IGF2R: variants seen among roughly 807,000 people sequenced by gnomAD.
The protein encoded by IGF2R is insulin like growth factor 2 receptor, also known as cation-independent mannose-6-phosphate receptor.
A neutral mutation model predicts 270.6 loss-of-function variants in IGF2R; 91 were observed. The ratio of observed to expected loss-of-function variants is 0.34; its 90% CI spans 0.28 to 0.40. The LOEUF is 0.40. IGF2R is among the 10% of genes least tolerant of loss of function. The pLI is 1.00. For missense variants in IGF2R, 2,805 were observed against 3,188.3 expected (o/e 0.88, Z 2.90); for synonymous variants, 1,316 against 1,258.9 (o/e 1.05, Z -0.96).
chr6:160,024,610 T>A lies in IGF2R; in HGVS notation c.552T>A (p.His184Gln). 6.2e-7 allele frequency: 1 copy of A among 1,614,090 alleles called. No individual in the cohort carries two copies. The highest frequency in any genetic ancestry group is 8.5e-7 in the Non-Finnish European group (1 of 1,179,948). ...CYVFDEELRKHDLNPLIKLSG... is the reference protein window; with the variant it reads ...CYVFDEELRKQDLNPLIKLSG... Reference sequence around the variant, plus strand: ...TGTTTGATGAAGAGTTGAGGAAGCATGATCTCAATCCTCTGATCAAGCTTA... The same window carrying A: ...TGTTTGATGAAGAGTTGAGGAAGCAAGATCTCAATCCTCTGATCAAGCTTA... Residue 184 changes from histidine (H) to glutamine (Q), a missense_variant, in exon 5 of 48, where the codon CAT becomes CAA. Transcript: ENST00000356956.
At position 159,994,227 on chromosome 6, in the gene IGF2R, C is replaced by T. The variant is rs963983266; in HGVS notation, c.289+2904C>T. Among the ~76,000 whole-genome samples, 6 of 151,830 alleles carry T rather than the reference C, an allele frequency of 4.0e-5. No individual in the cohort carries two copies. In the East Asian group the frequency reaches 1.2e-3, roughly 29 times the overall value. ...AATGTATCCATTTCCTCTAGGTTTTCTAGTTTTTGAGTGTAGAGATGTTTA... is the reference window on the plus strand; with the variant it reads ...AATGTATCCATTTCCTCTAGGTTTTTTAGTTTTTGAGTGTAGAGATGTTTA... On this transcript the variant is annotated intron_variant, in intron 2 of 47. Transcript: ENST00000356956.
rs59369382 is a variant in IGF2R, at chr6:159,993,985, A to ATTTTTTTTT, written c.289+2679_289+2687dup. Among the ~76,000 whole-genome samples, 16 of 61,042 alleles carry ATTTTTTTTT rather than the reference A, an allele frequency of 2.6e-4. 1 individual carries two copies. Among genetic ancestry groups the ATTTTTTTTT allele is most frequent in the South Asian group, 5.4e-4 (1 of 1,844 alleles). 40.0% of individuals were successfully genotyped at this position (61,042 alleles called of 152,430 possible). ...GTTAGGGAGGATTCCCTCCAACTTG[A>ATTTTTTTTT]TTTTTTTTTTTTTTTTTTTTTTTTT... On this transcript the variant is annotated intron_variant, in intron 2 of 47. Transcript: ENST00000356956.
rs750837008 is a variant in IGF2R at position 160,047,818 on chromosome 6, C to T, written c.2256C>T (p.Phe752=). 3 of 1,613,728 alleles carry T rather than the reference C, an allele frequency of 1.9e-6. No individual in the cohort carries two copies. In the African/African-American group the frequency reaches 4.0e-5, roughly 22 times the overall value. The change falls in exon 17 of 48, where the codon TTC becomes TTT. Residue 752 remains phenylalanine (F), a synonymous_variant. Transcript: ENST00000356956. The part of the protein sequence containing the change: ...YQEEDNSTYN[F]RWYTSYACPE... Reference sequence around the variant, plus strand: ...AAGAGGATAACTCCACCTACAACTTCCGGTGGTACACCAGCTATGCCTGCC... The same window carrying T: ...AAGAGGATAACTCCACCTACAACTTTCGGTGGTACACCAGCTATGCCTGCC...
intron 2 of IGF2R, among the ~76,000 whole-genome samples, chr6:160,001,753 A>G (rs9295119): frequency 0.2 from 29,706 of 152,212 alleles, 3,574 homozygotes; most frequent in East Asian, 0.57. Context: ...TTAGGCAAAC[A>G]ATATTACATA....
chr6:160,038,847 A>G (rs1256652401), intron 10 of IGF2R, among the ~76,000 whole-genome samples: 1 of 152,168 alleles, frequency 6.6e-6, no homozygotes, highest in Non-Finnish European at 1.5e-5. Flanking sequence ...CAAAGAAAAA[A>G]AGAAAAATAG....
chr6:160,033,227 C>T (rs1777739155), intron 9 of IGF2R, 120 bp downstream of exon 9: 7 of 654,164 alleles, frequency 1.1e-5, no homozygotes, highest in Non-Finnish European at 1.8e-5. Context: ...GCCTTGACTT[C>T]CCTGCCTCAA....
intron 1 of IGF2R, among the ~76,000 whole-genome samples, chr6:159,987,290 A>G (rs1466262915): frequency 6.6e-6 from 1 of 152,268 alleles, no homozygotes; most frequent in African/African-American, 2.4e-5. Context: ...GGTGCATACC[A>G]GAGTACATAA....
At chr6:160,086,981 C>G (rs1227729458) in intron 41 of IGF2R, among the ~76,000 whole-genome samples, 1 of 152,078 alleles carries the variant, frequency 6.6e-6, no homozygotes, top group Non-Finnish European at 1.5e-5. Flanking sequence ...CCAGACCGTT[C>G]CCAGAACAGC....
chr6:160,065,522 A>G (rs1482181829), intron 29 of IGF2R, among the ~76,000 whole-genome samples: 1 of 152,166 alleles, frequency 6.6e-6, no homozygotes, highest in African/African-American at 2.4e-5. Flanking sequence ...GCAAGCATTT[A>G]GTAATTTATG....
chr6:160,067,029 C>T (rs886471701), intron 29 of IGF2R, among the ~76,000 whole-genome samples: 4 of 152,176 alleles, frequency 2.6e-5, no homozygotes, highest in Non-Finnish European at 5.9e-5. Context: ...AGATATAAGT[C>T]CCACCATGTC....
chr6:160,027,916 T>G (rs546358067), intron 6 of IGF2R, among the ~76,000 whole-genome samples: 1 of 152,274 alleles, frequency 6.6e-6, no homozygotes, highest in South Asian at 2.1e-4. Flanking sequence ...GTAGACACCT[T>G]GTTGTGCTTG....
chr6:159,992,566 CAT>C (rs1157614411), intron 2 of IGF2R, among the ~76,000 whole-genome samples: 2 of 151,584 alleles, frequency 1.3e-5, no homozygotes, highest in South Asian at 2.1e-4. Context: ...TTATGGCCAA[CAT>C]GTGGAATTTG....
In IGF2R at chr6:160,059,045, T is replaced by C; in HGVS notation, c.3038T>C (p.Leu1013Pro). Residue 1013 changes from leucine to proline, a missense_variant, in exon 22 of 48, where the codon CTG (leucine) becomes CCG (proline). Around this residue, in one of 2 missense-constraint regions of IGF2R, gnomAD observed 1,851 missense variants for 2,207.2 expected, o/e 0.84. Transcript: ENST00000356956. ...RPVGIEKSLQLSTEGFITLTY... is the reference protein window; with the variant it reads ...RPVGIEKSLQPSTEGFITLTY... ...GTCGGAATTGAGAAAAGCCTCCAGC[T>C]GTCCACAGAGGGCTTCATCACTCTG... 1 of 1,614,260 alleles carries C rather than the reference T, an allele frequency of 6.2e-7. No individual in the cohort carries two copies.
chr6:159,983,236 G>A (rs934534614), intron 1 of IGF2R, among the ~76,000 whole-genome samples: 1 of 152,142 alleles, frequency 6.6e-6, no homozygotes, highest in Non-Finnish European at 1.5e-5. Flanking sequence ...GGTGGGTTTC[G>A]ATTGCGGCCC....
Position 160,065,814 on chromosome 6 carries a change from G to GTGTGTATATATATATATA in IGF2R, c.4115+914_4115+915insGTGTATATATATATATAT. Among the ~76,000 whole-genome samples the GTGTGTATATATATATATA allele has an allele frequency of 1.2e-3, 92 of 78,294 alleles. 2 individuals are homozygous for GTGTGTATATATATATATA. The highest frequency in any genetic ancestry group is 1.6e-3 in the South Asian group (3 of 1,912). The allele number at this position is 78,294 out of a possible 152,430, so 51.4% of individuals were successfully genotyped here. A position where few individuals can be genotyped will look rare whatever the true frequency, so the allele number is the denominator to read the frequency against. ...TGTGTGTGTGTGTGTGTGTGTGTGT[G>GTGTGTATATATATATATA]TATATATATATATATATATATATAT... On this transcript the variant is annotated intron_variant, in intron 29 of 47. Coordinates refer to ENST00000356956, the MANE Select transcript of IGF2R (RefSeq NM_000876.4).
At chr6:160,080,694 TG>T (rs1190516669) in intron 39 of IGF2R, among the ~76,000 whole-genome samples, 1 of 152,048 alleles carries the variant, frequency 6.6e-6, no homozygotes, top group Non-Finnish European at 1.5e-5. Context: ...GCAGCCCAGG[TG>T]GGGATGGAGG....
At position 159,969,377 on chromosome 6, in the gene IGF2R, C is replaced by G; in HGVS notation, c.131C>G (p.Pro44Arg). ...GGGTCCACGCAGGCCCAGGCCGCCC[C>G]GTTCCCCGAGCTGTGCAGGTGGGTG... ...APGSTQAQAA[P>R]FPELCSYTWE... The change falls in exon 1 of 48, where the codon CCG becomes CGG. Residue 44 changes from proline to arginine, a missense_variant. Transcript: ENST00000356956. The G allele has an allele frequency of 3.9e-6, 5 of 1,277,044 alleles. No individual in the cohort carries two copies. The highest frequency in any genetic ancestry group is 5.4e-5 in the South Asian group (2 of 37,080). 79.1% of individuals were successfully genotyped at this position (1,277,044 alleles called of 1,614,324 possible).
rs765738011 is a variant in IGF2R, at chr6:160,050,678, C to T, written c.2694+26C>T. On this transcript the variant is annotated intron_variant, in intron 19 of 47. Coordinates refer to ENST00000356956, the MANE Select transcript of IGF2R (RefSeq NM_000876.4). The surrounding 1 kb of genome is among the most constrained non-coding windows in gnomAD (Gnocchi z 4.0). ...GTAAGGCACTGCTGCTGGCTGGTGA[C>T]CTTCACTGCTGCATTTTTTGACTGA... is the stretch of plus-strand genomic sequence containing the variant. 16 of 1,574,624 alleles carry T rather than the reference C, an allele frequency of 1.0e-5. No homozygotes were observed. The East Asian group carries it at 3.0e-4, about 29-fold the overall frequency.
chr6:159,973,460 G>GT (rs1783641970), intron 1 of IGF2R, among the ~76,000 whole-genome samples: 1 of 152,174 alleles, frequency 6.6e-6, no homozygotes, highest in Non-Finnish European at 1.5e-5. Flanking sequence ...ATGCTAGAAA[G>GT]TTTTTATTAT....
Sources: gnomAD v4.1 joint callset for allele counts (sites outside exome capture counted in the v4.1 genomes callset) on GRCh38, gnomAD v4.1.1 for gene constraint, gnomAD v4.1.1 regional missense constraint, Gnocchi (gnomAD v3.1) non-coding constraint, MANE v1.5 for transcripts, NCBI Gene and HGNC (gene_info 2026-07-23, HGNC 2026-07-21) for gene names.